Variants in CTNNA3 observed in about 807,000 individuals in gnomAD.
CTNNA3 encodes catenin alpha-3.
In CTNNA3, 76 loss-of-function variants were observed where a neutral mutation model predicts 95.7. The observed-to-expected ratio is 0.79, with a 90% CI of 0.66 to 0.96. CTNNA3 has a LOEUF of 0.96. Ranked by LOEUF, CTNNA3 falls within the 40% of genes least tolerant of loss-of-function variation. The probability of loss-of-function intolerance (pLI) is 0.00; values close to 1 mark genes in which losing one functional copy is unlikely to be tolerated. For synonymous variants in CTNNA3, 431 were observed against 374.4 expected (o/e 1.15, Z -1.74); for missense variants, 1,191 against 1,089.8 (o/e 1.09, Z -1.31).
chr10:67,103,673 C>T (rs564411543), intron 7 of CTNNA3, among the ~76,000 whole-genome samples: 1 of 151,662 alleles, frequency 6.6e-6, no homozygotes, highest in South Asian at 2.1e-4. Flanking sequence ...GGATGTGCTC[C>T]TACCCCCATC....
In CTNNA3 at chr10:65,920,142, C is replaced by T; in HGVS notation, c.*188G>A. 1.7e-6 allele frequency: 1 copy of T among 592,440 alleles called. No homozygotes were observed. The highest frequency in any genetic ancestry group is 2.1e-5 in the South Asian group (1 of 47,256). 36.7% of individuals were successfully genotyped at this position (592,440 alleles called of 1,614,324 possible). ...TATTCCTTAACTATTAGGTGCTGAC[C>T]ATACAGAAATGACAGTGATATGATC... On this transcript the variant is annotated 3_prime_UTR_variant, in exon 18 of 18. Transcript: ENST00000433211.
rs547506729 is a variant in CTNNA3, at chr10:67,742,983, C to T, written c.-2+20451G>A. Among the ~76,000 whole-genome samples the T allele has an allele frequency of 1.3e-3, 202 of 151,318 alleles. 3 individuals are homozygous for T. The highest frequency in any genetic ancestry group is 2.6e-3 in the Admixed American group (39 of 15,116). ...GTTGAATCTCTGAACAGACCAATAA[C>T]GGGGTCTGAAATTGAGGCAATAATC... On this transcript the variant is annotated intron_variant, in intron 1 of 17. Coordinates refer to the CTNNA3 transcript ENST00000684154.
chr10:67,627,834 T>C (rs1839008568), intron 2 of CTNNA3, among the ~76,000 whole-genome samples: 1 of 151,818 alleles, frequency 6.6e-6, no homozygotes, highest in Non-Finnish European at 1.5e-5. Context: ...TTACTAAGAG[T>C]TACTATTATA....
intron 15 of CTNNA3, among the ~76,000 whole-genome samples, chr10:65,999,339 A>C (rs2133359320): frequency 6.6e-6 from 1 of 152,314 alleles, no homozygotes; most frequent in Admixed American, 6.5e-5. Flanking sequence ...TCATCTTTTA[A>C]ATGATAGACA....
chr10:66,350,879 C>T (rs1163536475), intron 12 of CTNNA3, among the ~76,000 whole-genome samples: 1 of 151,952 alleles, frequency 6.6e-6, no homozygotes, highest in Non-Finnish European at 1.5e-5. Context: ...AGAAGGACTC[C>T]TCCAGATCCT....
chr10:67,024,120 T>C (rs1403698761), intron 7 of CTNNA3, among the ~76,000 whole-genome samples: 1 of 152,192 alleles, frequency 6.6e-6, no homozygotes, highest in Non-Finnish European at 1.5e-5. Flanking sequence ...CTGTGTTCCC[T>C]CCAGAGGTCT....
intron 7 of CTNNA3, among the ~76,000 whole-genome samples, chr10:67,049,014 T>A (rs1157375258): frequency 1.6e-5 from 2 of 125,552 alleles, no homozygotes; most frequent in African/African-American, 6.0e-5. Context: ...ATAGCAAAAA[T>A]TTATGATGAT....
intron 7 of CTNNA3, among the ~76,000 whole-genome samples, chr10:67,057,674 G>T (rs1855521327): frequency 6.6e-6 from 1 of 152,108 alleles, no homozygotes; most frequent in Non-Finnish European, 1.5e-5. Flanking sequence ...CAGGAAAGTT[G>T]TAAGTTTGCT....
intron 7 of CTNNA3, among the ~76,000 whole-genome samples, chr10:67,154,828 A>C (rs1861229272): frequency 6.6e-6 from 1 of 152,130 alleles, no homozygotes. Context: ...GAAGCCACTC[A>C]GTTCTTTCCA....
In CTNNA3 at chr10:67,089,887, G is replaced by A. The variant is rs145210160; in HGVS notation, c.1047+90430C>T. On this transcript the variant is annotated intron_variant, in intron 7 of 17. Coordinates refer to ENST00000433211, the MANE Select transcript of CTNNA3 (RefSeq NM_013266.4). ...AGAGCAGAAATTGTGTCTTCATCAT[G>A]TTTGTTCTCCATTTCCCAGTCCTGT... Among the ~76,000 whole-genome samples the A allele has an allele frequency of 8.0e-3, 1,221 of 151,938 alleles. 6 individuals are homozygous for A. Among genetic ancestry groups the A allele is most frequent in the Middle Eastern group, 0.02 (6 of 294 alleles).
chr10:66,520,904 T>C, intron 10 of CTNNA3, 131 bp from the exon 11 acceptor site: 1 of 365,502 alleles, frequency 2.7e-6, no homozygotes, highest in Non-Finnish European at 4.8e-6. Flanking sequence ...TTATAATTCC[T>C]AAATATATAA....
intron 11 of CTNNA3, among the ~76,000 whole-genome samples, chr10:66,396,185 G>A (rs2092975292): frequency 6.6e-6 from 1 of 151,768 alleles, no homozygotes; most frequent in Admixed American, 6.6e-5. Context: ...TCAAATAATA[G>A]AATACAAAGA....
chr10:66,890,744 T>C (rs1030273121), intron 7 of CTNNA3, among the ~76,000 whole-genome samples: 5 of 152,198 alleles, frequency 3.3e-5, no homozygotes, highest in African/African-American at 1.2e-4. Context: ...CTTTAGATTA[T>C]TCTCTTTTTA....
intron 13 of CTNNA3, among the ~76,000 whole-genome samples, chr10:66,110,233 G>T (rs2082069798): frequency 6.6e-6 from 1 of 151,738 alleles, no homozygotes; most frequent in African/African-American, 2.4e-5. Context: ...GTGGTGGCGT[G>T]TGCCTGTAAT....
chr10:67,052,434 A>T (rs2133190709), intron 7 of CTNNA3, among the ~76,000 whole-genome samples: 1 of 152,194 alleles, frequency 6.6e-6, no homozygotes, highest in South Asian at 2.1e-4. Context: ...GCCTAGAACG[A>T]AATGGGCTTC....
chr10:66,768,105 T>G (rs1839940202), intron 8 of CTNNA3, among the ~76,000 whole-genome samples: 1 of 152,218 alleles, frequency 6.6e-6, no homozygotes, highest in South Asian at 2.1e-4. Context: ...CTACAGGTTG[T>G]GTAAGTTTCA....
intron 11 of CTNNA3, among the ~76,000 whole-genome samples, chr10:66,475,413 C>A (rs1341628231): frequency 6.6e-6 from 1 of 151,926 alleles, no homozygotes; most frequent in Non-Finnish European, 1.5e-5. Flanking sequence ...GATATTAGAC[C>A]TTTCTCAGAT....
At chr10:67,453,128 T>A (rs934414620) in intron 5 of CTNNA3, among the ~76,000 whole-genome samples, 1 of 152,168 alleles carries the variant, frequency 6.6e-6, no homozygotes, top group African/African-American at 2.4e-5. Context: ...CTGCCTCCAC[T>A]GATCATCAGC....
Position 65,967,563 on chromosome 10 carries a change from G to A in CTNNA3, c.2266-817C>T, listed in dbSNP as rs80065392. On this transcript the variant is annotated intron_variant, in intron 16 of 17. Coordinates refer to ENST00000433211, the MANE Select transcript of CTNNA3 (RefSeq NM_013266.4). ...ATGTACTTAGCTGTTACAGACAAAGGAAATTATTTCTACCTTAGATAACAG... is the reference window on the plus strand; with the variant it reads ...ATGTACTTAGCTGTTACAGACAAAGAAAATTATTTCTACCTTAGATAACAG... Among the ~76,000 whole-genome samples the A allele has an allele frequency of 5.3e-5, 8 of 152,238 alleles. No homozygotes were observed. In the East Asian group the frequency reaches 1.2e-3, roughly 22 times the overall value.
Sources: gnomAD v4.1 joint callset for allele counts (sites outside exome capture counted in the v4.1 genomes callset) on GRCh38, gnomAD v4.1.1 for gene constraint, MANE v1.5 for transcripts, NCBI Gene and HGNC (gene_info 2026-07-23, HGNC 2026-07-21) for gene names.